The following UNC5C variants were observed in gnomAD, a reference collection of about 807,000 sequenced individuals.
UNC5C encodes netrin receptor UNC5C.
In UNC5C, 47 loss-of-function variants were observed where a neutral mutation model predicts 99.8. The observed-to-expected ratio is 0.47, with a 90% CI of 0.37 to 0.60. UNC5C has a LOEUF of 0.60. UNC5C is among the 20% of genes least tolerant of loss of function. The probability of loss-of-function intolerance (pLI) is 0.00; values close to 1 mark genes in which losing one functional copy is unlikely to be tolerated. For missense variants in UNC5C, 1,062 were observed against 1,165.9 expected (o/e 0.91, Z 1.30); for synonymous variants, 487 against 452.2 (o/e 1.08, Z -0.98).
At chr4:95,484,986 T>G (rs1721281353) in intron 1 of UNC5C, among the ~76,000 whole-genome samples, 1 of 151,890 alleles carries the variant, frequency 6.6e-6, no homozygotes, top group Admixed American at 6.6e-5. Context: ...ATGACAAATA[T>G]AATCTATCCA....
intron 7 of UNC5C, among the ~76,000 whole-genome samples, chr4:95,239,731 A>G (rs1257711804): frequency 6.6e-6 from 1 of 152,190 alleles, no homozygotes; most frequent in African/African-American, 2.4e-5. Context: ...CAACATTTTA[A>G]TATATTTTCA....
intron 1 of UNC5C, among the ~76,000 whole-genome samples, chr4:95,531,579 T>C (rs75425442): frequency 0.014 from 2,080 of 152,356 alleles, 50 homozygotes; most frequent in African/African-American, 0.047. Flanking sequence ...CTTATAATGA[T>C]ACATTTCACT....
intron 1 of UNC5C, among the ~76,000 whole-genome samples, chr4:95,410,921 T>C (rs924642748): frequency 3.9e-5 from 6 of 152,128 alleles, no homozygotes; most frequent in Admixed American, 6.5e-5. Context: ...CCTCTGGACC[T>C]TCTAATGGTT....
chr4:95,338,753 G>T (rs1743443120), intron 1 of UNC5C, among the ~76,000 whole-genome samples: 1 of 152,002 alleles, frequency 6.6e-6, no homozygotes, highest in South Asian at 2.1e-4. Flanking sequence ...TGGCAACTTT[G>T]ATCATTCCTA....
chr4:95,250,917 A>C (rs1739692472), intron 4 of UNC5C, among the ~76,000 whole-genome samples: 1 of 152,320 alleles, frequency 6.6e-6, no homozygotes, highest in East Asian at 1.9e-4. Flanking sequence ...ATTATTCTCA[A>C]ATGTCAGTGA....
At chr4:95,351,233 G>A (rs1034232609) in intron 1 of UNC5C, among the ~76,000 whole-genome samples, 1 of 151,870 alleles carries the variant, frequency 6.6e-6, no homozygotes, top group Non-Finnish European at 1.5e-5. Context: ...CCATGAGATG[G>A]CATGTTCAGA....
Position 95,242,511 on chromosome 4 carries a change from C to A in UNC5C, c.1026G>T (p.Ala342=), listed in dbSNP as rs747600599. 8 of 1,613,426 alleles carry A rather than the reference C, an allele frequency of 5.0e-6. No homozygotes were observed. In the East Asian group the frequency reaches 1.1e-4, roughly 22 times the overall value. The part of the protein sequence containing the change: ...CTHWRRRECT[A]PAPKNGGKDC... ...CCTTGCCTCCATTCTTGGGGGCTGG[C>A]GCCGTGCACTCCCTCCTGCGCCAGT... The change falls in exon 7 of 16, where the codon GCG becomes GCT. Residue 342 remains alanine, a synonymous_variant. Coordinates refer to ENST00000453304, the MANE Select transcript of UNC5C (RefSeq NM_003728.4).
At chr4:95,469,674 G>A (rs1169899536) in intron 1 of UNC5C, among the ~76,000 whole-genome samples, 2 of 152,094 alleles carry the variant, frequency 1.3e-5, no homozygotes, top group East Asian at 3.9e-4. Context: ...TATCATGCAA[G>A]TCAACTATTC....
At chr4:95,171,700 C>T (rs946070085) in intron 14 of UNC5C, among the ~76,000 whole-genome samples, 6 of 151,666 alleles carry the variant, frequency 4.0e-5, no homozygotes, top group Admixed American at 2.0e-4. Flanking sequence ...AGTAAACATA[C>T]GTGTGCATGT....
intron 1 of UNC5C, among the ~76,000 whole-genome samples, chr4:95,474,187 G>T (rs543749722): frequency 6.6e-6 from 1 of 152,096 alleles, no homozygotes; most frequent in South Asian, 2.1e-4. Flanking sequence ...GAGCCAATTT[G>T]CCTTCTGTGA....
intron 3 of UNC5C, among the ~76,000 whole-genome samples, chr4:95,296,903 T>C (rs1579304662): frequency 6.6e-6 from 1 of 152,208 alleles, no homozygotes; most frequent in Admixed American, 6.5e-5. Context: ...GATGTTGTGG[T>C]ATGCTACCAG....
At chr4:95,485,711 T>C (rs1721308579) in intron 1 of UNC5C, among the ~76,000 whole-genome samples, 1 of 151,780 alleles carries the variant, frequency 6.6e-6, no homozygotes, top group Non-Finnish European at 1.5e-5. Context: ...AAGAGAAAGA[T>C]AAGTTGTTTT....
chr4:95,380,477 A>G (rs1393339069), intron 1 of UNC5C, among the ~76,000 whole-genome samples: 2 of 144,176 alleles, frequency 1.4e-5, no homozygotes, highest in Non-Finnish European at 3.0e-5. Context: ...ACTAGGTCTC[A>G]CTGTGTTGCC....
intron 1 of UNC5C, among the ~76,000 whole-genome samples, chr4:95,384,113 G>A (rs1041298927): frequency 6.6e-6 from 1 of 152,198 alleles, no homozygotes; most frequent in East Asian, 1.9e-4. Context: ...TAACTAGGAT[G>A]CTATGTTCCA....
chr4:95,542,459 C>G lies in UNC5C; in HGVS notation c.124+6275G>C, dbSNP rs143593665. Among the ~76,000 whole-genome samples the G allele has an allele frequency of 3.9e-3, 595 of 152,262 alleles. 2 individuals carry two copies. Among genetic ancestry groups the G allele is most frequent in the Non-Finnish European group, 6.4e-3 (436 of 67,994 alleles). On this transcript the variant is annotated intron_variant, in intron 1 of 15. Coordinates refer to ENST00000453304, the MANE Select transcript of UNC5C (RefSeq NM_003728.4). ...ATTTGGCACTTTCAAAGCTATAGCT[C>G]ACTTTCTAAATTGTAACTTCAACTT...
At chr4:95,418,656 A>G (rs1030625391) in intron 1 of UNC5C, among the ~76,000 whole-genome samples, 2 of 152,168 alleles carry the variant, frequency 1.3e-5, no homozygotes, top group Non-Finnish European at 2.9e-5. Context: ...CTGACTCCTG[A>G]CCATCTATTT....
chr4:95,216,643 T>A (rs1182440843), intron 9 of UNC5C, among the ~76,000 whole-genome samples: 1 of 152,122 alleles, frequency 6.6e-6, no homozygotes, highest in Non-Finnish European at 1.5e-5. Flanking sequence ...CCGGTTAGCA[T>A]CAATGTAATT....
At chr4:95,309,121 A>G (rs957852443) in intron 2 of UNC5C, among the ~76,000 whole-genome samples, 1 of 152,138 alleles carries the variant, frequency 6.6e-6, no homozygotes, top group African/African-American at 2.4e-5. Flanking sequence ...GCCCAGAAAT[A>G]AATCCATATG....
intron 15 of UNC5C, among the ~76,000 whole-genome samples, chr4:95,169,753 C>G (rs1190055670): frequency 1.7e-5 from 2 of 117,652 alleles, no homozygotes; most frequent in East Asian, 4.5e-4. Context: ...TGACACTCCA[C>G]AAAGTAGACG....
Sources: gnomAD v4.1 joint callset for allele counts (sites outside exome capture counted in the v4.1 genomes callset) on GRCh38, gnomAD v4.1.1 for gene constraint, MANE v1.5 for transcripts, NCBI Gene and HGNC (gene_info 2026-07-23, HGNC 2026-07-21) for gene names.